DLGAP2: variants seen among roughly 807,000 people sequenced by gnomAD.
DLGAP2 encodes the protein DLG associated protein 2.
DLGAP2 carries 26 observed loss-of-function variants against 100.3 expected under a neutral mutation model. That is an observed-to-expected ratio of 0.26 (90% CI 0.19 to 0.36). The LOEUF (loss-of-function observed/expected upper bound fraction) is 0.36, where lower values mean the gene tolerates loss of function less well. DLGAP2 is among the 10% of genes least tolerant of loss of function. The probability of loss-of-function intolerance (pLI) is 1.00; values close to 1 mark genes in which losing one functional copy is unlikely to be tolerated. For synonymous variants in DLGAP2, 886 were observed against 630.1 expected, an observed-to-expected ratio of 1.41 and a Z score of -6.08; for missense variants, 1,858 against 1,453.2, an observed-to-expected ratio of 1.28 and a Z score of -4.53.
intron 6 of DLGAP2, among the ~76,000 whole-genome samples, chr8:1,568,170 A>C (rs1183991368): frequency 7.1e-6 from 1 of 140,432 alleles, no homozygotes; most frequent in Non-Finnish European, 1.5e-5. Flanking sequence ...GCCACTGTCC[A>C]CTCAGCAGAC....
chr8:1,380,658 C>T (rs1395741692), intron 3 of DLGAP2, among the ~76,000 whole-genome samples: 2 of 152,024 alleles, frequency 1.3e-5, no homozygotes, highest in African/African-American at 4.8e-5. Flanking sequence ...AAAAGTTCGC[C>T]GAGGTGTCAT....
intron 2 of DLGAP2, among the ~76,000 whole-genome samples, chr8:961,556 C>A (rs1446488200): frequency 6.6e-6 from 1 of 152,220 alleles, no homozygotes; most frequent in Non-Finnish European, 1.5e-5. Flanking sequence ...ATAGGGGGAG[C>A]TGTCCTGGCT....
rs372661400 is a variant in DLGAP2, at chr8:1,173,203, G to A, written c.74-85648G>A. On this transcript the variant is annotated intron_variant, in intron 2 of 14. Coordinates refer to ENST00000637795, the MANE Select transcript of DLGAP2 (RefSeq NM_001346810.2). ...GGTGTCCGCAGAACAGTGGTTTTTCGTGAACCGCGAATGCTGCTGCCTGAT... is the reference window on the plus strand; with the variant it reads ...GGTGTCCGCAGAACAGTGGTTTTTCATGAACCGCGAATGCTGCTGCCTGAT... Among the ~76,000 whole-genome samples the A allele has an allele frequency of 5.9e-5, 9 of 152,138 alleles. 1 individual carries two copies. In the South Asian group the frequency reaches 8.3e-4, roughly 14 times the overall value.
chr8:949,240 T>C (rs1307385308), intron 2 of DLGAP2, among the ~76,000 whole-genome samples: 4 of 152,154 alleles, frequency 2.6e-5, no homozygotes, highest in Non-Finnish European at 5.9e-5. Context: ...GAAAGCCAAG[T>C]TGCCATTTGT....
At chr8:1,086,492 G>T (rs1266197941) in intron 2 of DLGAP2, among the ~76,000 whole-genome samples, 2 of 152,064 alleles carry the variant, frequency 1.3e-5, no homozygotes, top group Non-Finnish European at 2.9e-5. Context: ...TGTATAAAAA[G>T]ATAAGACCCA....
At chr8:1,427,287 G>T (rs1483362758) in intron 3 of DLGAP2, among the ~76,000 whole-genome samples, 2 of 152,136 alleles carry the variant, frequency 1.3e-5, no homozygotes, top group African/African-American at 4.8e-5. Flanking sequence ...GGATATAGAT[G>T]ATTTGAACAA....
chr8:1,437,606 A>G (rs1357165672), intron 3 of DLGAP2, among the ~76,000 whole-genome samples: 1 of 152,070 alleles, frequency 6.6e-6, no homozygotes, highest in Non-Finnish European at 1.5e-5. Context: ...TGTGATTCCT[A>G]ATTGTGTGAG....
At chr8:1,098,092 G>T (rs545456371) in intron 2 of DLGAP2, among the ~76,000 whole-genome samples, 2 of 152,352 alleles carry the variant, frequency 1.3e-5, no homozygotes, top group East Asian at 3.9e-4. Context: ...TCCTTGCAAC[G>T]CAATTCTGCT....
At chr8:1,491,861 C>T (rs1387980789) in intron 3 of DLGAP2, among the ~76,000 whole-genome samples, 2 of 152,130 alleles carry the variant, frequency 1.3e-5, no homozygotes, top group Admixed American at 6.5e-5. Context: ...TGAATTCCTT[C>T]GGAAGATGAT....
chr8:1,420,341 G>A lies in DLGAP2; in HGVS notation c.107-81025G>A, dbSNP rs1226409936. On this transcript the variant is annotated intron_variant, in intron 3 of 14. Coordinates refer to ENST00000637795, the MANE Select transcript of DLGAP2 (RefSeq NM_001346810.2). ...TTTTAGGAGCTCTGAGCAAGAAGTC[G>A]CTCTATCACAACAGTGTTCAGATAA... Among the ~76,000 whole-genome samples the A allele has an allele frequency of 3.9e-5, 6 of 152,200 alleles. No individual in the cohort carries two copies. In the South Asian group the frequency reaches 1.0e-3, roughly 26 times the overall value.
chr8:1,669,660 G>A (rs1484693238), intron 9 of DLGAP2, 83 bp from the exon 10 acceptor site: 13 of 776,806 alleles, frequency 1.7e-5, no homozygotes, highest in Admixed American at 8.5e-5. Context: ...CTAGGCATGC[G>A]GGCGGAGAGA....
At chr8:815,384 C>T (rs1421106456) in intron 1 of DLGAP2, among the ~76,000 whole-genome samples, 1 of 152,190 alleles carries the variant, frequency 6.6e-6, no homozygotes, top group African/African-American at 2.4e-5. Flanking sequence ...GCCCTCATGA[C>T]TTAAGTTTCA....
intron 2 of DLGAP2, among the ~76,000 whole-genome samples, chr8:1,204,214 C>G (rs1437065284): frequency 6.6e-6 from 1 of 152,248 alleles, no homozygotes; most frequent in Non-Finnish European, 1.5e-5. Context: ...GGGTTTTTAT[C>G]TGCTCCTACT....
chr8:1,685,275 G>C (rs1033255016), intron 12 of DLGAP2, among the ~76,000 whole-genome samples: 19 of 152,342 alleles, frequency 1.2e-4, no homozygotes, highest in African/African-American at 4.1e-4. Context: ...TGGCCACAGA[G>C]AACTGTGCCT....
At chr8:1,508,996 C>A (rs540957983) in intron 4 of DLGAP2, among the ~76,000 whole-genome samples, 12 of 152,252 alleles carry the variant, frequency 7.9e-5, no homozygotes, top group Admixed American at 2.6e-4. Flanking sequence ...AGTTACTGGT[C>A]ACTGCCAGCA....
chr8:1,389,689 C>T (rs1463451418), intron 3 of DLGAP2, among the ~76,000 whole-genome samples: 1 of 152,120 alleles, frequency 6.6e-6, no homozygotes, highest in African/African-American at 2.4e-5. Context: ...CAAGCACTGC[C>T]TGTCCATGAG....
intron 3 of DLGAP2, among the ~76,000 whole-genome samples, chr8:1,443,811 A>G (rs1044225963): frequency 6.6e-6 from 1 of 152,326 alleles, no homozygotes; most frequent in African/African-American, 2.4e-5. Context: ...GGGGATTATT[A>G]CAATTCAAGA....
chr8:1,701,575 G>A lies in DLGAP2; in HGVS notation c.*169G>A. 1 of 703,012 alleles carries A rather than the reference G, an allele frequency of 1.4e-6. No homozygotes were observed. The highest frequency in any genetic ancestry group is 2.3e-6 in the Non-Finnish European group (1 of 436,536). The allele number at this position is 703,012 out of a possible 1,614,324, so 43.5% of individuals were successfully genotyped here. On this transcript the variant is annotated 3_prime_UTR_variant, in exon 15 of 15. Transcript: ENST00000637795. Reference sequence around the variant, plus strand: ...CGCGGCCGGCGGCCTCAGAGTCCACGGAGCTCGCGGCGAGGACGACTTCTG... The same window carrying A: ...CGCGGCCGGCGGCCTCAGAGTCCACAGAGCTCGCGGCGAGGACGACTTCTG...
chr8:932,049 A>T (rs1018730263), intron 2 of DLGAP2, among the ~76,000 whole-genome samples: 2 of 152,144 alleles, frequency 1.3e-5, no homozygotes, highest in African/African-American at 4.8e-5. Context: ...CCCTTCTAGG[A>T]AATATTGCAG....
Sources: gnomAD v4.1 joint callset for allele counts (sites outside exome capture counted in the v4.1 genomes callset) on GRCh38, gnomAD v4.1.1 for gene constraint, MANE v1.5 for transcripts, NCBI Gene and HGNC (gene_info 2026-07-23, HGNC 2026-07-21) for gene names.